The following RBFOX1 variants were observed in gnomAD, a reference collection of about 807,000 sequenced individuals.
RBFOX1 encodes RNA binding protein fox-1 homolog 1.
RBFOX1 carries 8 observed loss-of-function variants against 57.7 expected under a neutral mutation model. That is an observed-to-expected ratio of 0.14 (90% confidence interval 0.08 to 0.25). The LOEUF (loss-of-function observed/expected upper bound fraction) is 0.25, where lower values mean the gene tolerates loss of function less well. Among genes scored for constraint, RBFOX1 ranks in the 10% least tolerant of loss-of-function variants. The pLI, the probability that RBFOX1 is intolerant of heterozygous loss-of-function variation, is 1.00. For missense variants in RBFOX1, 611 were observed against 548.5 expected, an observed-to-expected ratio of 1.11 and a Z score of -1.14; for synonymous variants, 326 against 222.4, an observed-to-expected ratio of 1.47 and a Z score of -4.15.
At chr16:6,868,908 A>G (rs960322611) in intron 3 of RBFOX1, among the ~76,000 whole-genome samples, 1 of 152,170 alleles carries the variant, frequency 6.6e-6, no homozygotes. Flanking sequence ...TTGAAGTGAC[A>G]TTTTGTGAGT....
intron 5 of RBFOX1, among the ~76,000 whole-genome samples, chr16:7,565,064 A>C (rs2152711611): frequency 6.6e-6 from 1 of 152,282 alleles, no homozygotes; most frequent in Admixed American, 6.5e-5. Flanking sequence ...AAAAGCAGGA[A>C]GCTGGGAGGA....
intron 4 of RBFOX1, among the ~76,000 whole-genome samples, chr16:7,146,370 AG>A (rs2074979794): frequency 2.0e-5 from 3 of 152,222 alleles, no homozygotes; most frequent in Non-Finnish European, 2.9e-5. Flanking sequence ...AGGGCAGAGA[AG>A]AAATTGTCTC....
At chr16:6,098,667 C>A (rs1226375887) in intron 1 of RBFOX1, among the ~76,000 whole-genome samples, 2 of 152,198 alleles carry the variant, frequency 1.3e-5, no homozygotes, top group Non-Finnish European at 2.9e-5. Context: ...TTTATACATT[C>A]ATTTCCACCA....
chr16:5,788,291 C>T (rs1326719738), intron 3 of RBFOX1, among the ~76,000 whole-genome samples: 2 of 152,184 alleles, frequency 1.3e-5, no homozygotes, highest in Non-Finnish European at 2.9e-5. Flanking sequence ...GTATTAACTG[C>T]TGTCCTTATT....
At chr16:5,846,040 G>A (rs1408305189) in intron 3 of RBFOX1, among the ~76,000 whole-genome samples, 1 of 152,138 alleles carries the variant, frequency 6.6e-6, no homozygotes, top group Non-Finnish European at 1.5e-5. Context: ...AGGCATGGAG[G>A]TGGGTGCCTG....
chr16:7,242,902 C>T (rs575505354), intron 4 of RBFOX1, among the ~76,000 whole-genome samples: 5 of 152,178 alleles, frequency 3.3e-5, no homozygotes, highest in African/African-American at 4.8e-5. Context: ...TGCCTCTCGA[C>T]ATTTTCATCC....
chr16:6,553,573 A>G (rs1026001850), intron 2 of RBFOX1, among the ~76,000 whole-genome samples: 2 of 152,138 alleles, frequency 1.3e-5, no homozygotes, highest in African/African-American at 4.8e-5. Flanking sequence ...ATCACATCTT[A>G]CTCACCTTTG....
intron 1 of RBFOX1, among the ~76,000 whole-genome samples, chr16:5,335,533 GA>G (rs1282530700): frequency 1.3e-5 from 2 of 152,150 alleles, no homozygotes; most frequent in African/African-American, 4.8e-5. Context: ...TTTGTGTTCA[GA>G]GTTTTTCCCG....
intron 2 of RBFOX1, among the ~76,000 whole-genome samples, chr16:5,500,816 G>A (rs7186279): frequency 0.24 from 36,120 of 152,060 alleles, 6,907 homozygotes; most frequent in African/African-American, 0.53. Context: ...TGGTCTCCCA[G>A]CTTTCATCCT....
intron 4 of RBFOX1, among the ~76,000 whole-genome samples, chr16:7,426,916 A>G (rs2098622742): frequency 6.6e-6 from 1 of 152,322 alleles, no homozygotes; most frequent in East Asian, 1.9e-4. Context: ...GATACACACC[A>G]TGGAATACTA....
intron 2 of RBFOX1, among the ~76,000 whole-genome samples, chr16:6,643,579 C>A (rs781199478): frequency 6.6e-6 from 1 of 152,104 alleles, no homozygotes; most frequent in African/African-American, 2.4e-5. Flanking sequence ...TTTAATAAAG[C>A]AATTAACTTT....
At chr16:5,966,411 C>A (rs1471126739) in intron 4 of RBFOX1, among the ~76,000 whole-genome samples, 1 of 152,126 alleles carries the variant, frequency 6.6e-6, no homozygotes, top group African/African-American at 2.4e-5. Flanking sequence ...TTCACATGGC[C>A]GGAGCAGGAG....
At chr16:5,541,069 C>G (rs1274064798) in intron 2 of RBFOX1, among the ~76,000 whole-genome samples, 2 of 151,998 alleles carry the variant, frequency 1.3e-5, no homozygotes, top group Non-Finnish European at 2.9e-5. Flanking sequence ...GGGCTGATCT[C>G]GAACCCCTGG....
intron 3 of RBFOX1, among the ~76,000 whole-genome samples, chr16:6,962,200 A>G (rs11642966): frequency 0.02 from 3,015 of 151,872 alleles, 44 homozygotes; most frequent in Middle Eastern, 0.034. Context: ...AATGACTCCA[A>G]CTCTGCTTGT....
intron 11 of RBFOX1, among the ~76,000 whole-genome samples, chr16:7,648,228 TA>T (rs1319106480): frequency 2.0e-5 from 3 of 152,150 alleles, no homozygotes; most frequent in South Asian, 2.1e-4. Context: ...TTTATTTATT[TA>T]TTTTTTTTGA....
chr16:7,321,945 G>A (rs1212034652), intron 4 of RBFOX1, among the ~76,000 whole-genome samples: 1 of 152,206 alleles, frequency 6.6e-6, no homozygotes, highest in Non-Finnish European at 1.5e-5. Context: ...CCAATGAGAG[G>A]TTCAGCTGCA....
chr16:6,562,057 C>T (rs1040211736), intron 2 of RBFOX1, among the ~76,000 whole-genome samples: 11 of 152,172 alleles, frequency 7.2e-5, no homozygotes, highest in African/African-American at 1.4e-4. Context: ...CGGGATATTA[C>T]TCATTTCCAT....
intron 1 of RBFOX1, among the ~76,000 whole-genome samples, chr16:6,156,998 T>C (rs1441680532): frequency 1.3e-5 from 2 of 151,946 alleles, no homozygotes; most frequent in African/African-American, 2.4e-5. Flanking sequence ...CAGTGACTAA[T>C]TGTTTTTCGC....
At chr16:6,065,475 GCCTCTGATATATC>G (rs2152470142) in intron 1 of RBFOX1, among the ~76,000 whole-genome samples, 1 of 152,224 alleles carries the variant, frequency 6.6e-6, no homozygotes, top group South Asian at 2.1e-4. Context: ...TCATTTCAAA[GCCTCTGATATATC>G]ATTGCGGTTT....
Sources: gnomAD v4.1 joint callset for allele counts (sites outside exome capture counted in the v4.1 genomes callset) on GRCh38, gnomAD v4.1.1 for gene constraint, MANE v1.5 for transcripts, NCBI Gene and HGNC (gene_info 2026-07-23, HGNC 2026-07-21) for gene names.